The following MPI variants were observed in gnomAD, a reference collection of about 807,000 sequenced individuals.
MPI encodes mannose-6-phosphate isomerase.
MPI carries 33 observed loss-of-function variants against 40.1 expected under a neutral mutation model. That is an observed-to-expected ratio of 0.82 (90% confidence interval 0.62 to 1.10). The LOEUF (loss-of-function observed/expected upper bound fraction) is 1.10, where lower values mean the gene tolerates loss of function less well. MPI is among the 50% of genes least tolerant of loss of function. MPI has a pLI of 0.00. For missense variants in MPI, 514 were observed against 524.1 expected (o/e 0.98, Z 0.19); for synonymous variants, 187 against 207.4 (o/e 0.90, Z 0.85).
At chr15:74,894,035 GTTCAGTGTGTGT>G (rs2064766774) in intron 5 of MPI, among the ~76,000 whole-genome samples, 1 of 90,948 alleles carries the variant, frequency 1.1e-5, no homozygotes, top group South Asian at 3.0e-4. Context: ...ATTTTTTTCT[GTTCAGTGTGTGT>G]GTGTGTGTGT....
intron 1 of MPI, 77 bp from the exon 2 acceptor site, chr15:74,890,450 G>A (rs943659749): frequency 1.9e-6 from 3 of 1,601,412 alleles, no homozygotes; most frequent in African/African-American, 2.7e-5. Flanking sequence ...AGCACCCCCA[G>A]CTCTTGCCTG....
chr15:74,896,064 C>T (rs1272184777), intron 5 of MPI, 88 bp from the exon 6 acceptor site: 6 of 1,530,428 alleles, frequency 3.9e-6, no homozygotes, highest in Non-Finnish European at 5.4e-6. Flanking sequence ...TGGCAGGGAC[C>T]TTTTCCTAGG....
At chr15:74,890,973 A>G in intron 2 of MPI, 2 of 569,752 alleles carry the variant, frequency 3.5e-6, no homozygotes, top group South Asian at 3.1e-5. Context: ...TCTCCTGCCT[A>G]TTTAGTGGAG....
rs1375281228 is a variant in MPI, at chr15:74,901,509, C to T, written c.*3779C>T. 6.6e-6 allele frequency: 1 copy of T among 152,170 alleles called. No individual in the cohort carries two copies. The highest frequency in any genetic ancestry group is 1.5e-5 in the Non-Finnish European group (1 of 68,062). 9.4% of individuals were successfully genotyped at this position (152,170 alleles called of 1,614,324 possible). A position where few individuals can be genotyped will look rare whatever the true frequency, so the allele number is the denominator to read the frequency against. On this transcript the variant is annotated 3_prime_UTR_variant, in exon 8 of 8. Coordinates refer to ENST00000352410, the MANE Select transcript of MPI (RefSeq NM_002435.3). ...CCAATCCTGAGTATCCAGTAAGGCCCATGCTGTGACCAGAAGAATCTGGCA... is the reference window on the plus strand; with the variant it reads ...CCAATCCTGAGTATCCAGTAAGGCCTATGCTGTGACCAGAAGAATCTGGCA...
chr15:74,893,185 C>A lies in MPI; in HGVS notation c.535C>A (p.Leu179Met), dbSNP rs2064751993. ...GATTGGAGATGAGGCAGCAACACAC[C>A]TGAAGCAGACCATGAGCCATGACTC... ...FLIGDEAATHLKQTMSHDSQA... is the reference protein window; with the variant it reads ...FLIGDEAATHMKQTMSHDSQA... Residue 179 changes from leucine to methionine, a missense_variant, in exon 5 of 8, where the codon CTG (leucine) becomes ATG (methionine). Physicochemically the swap from Leu to Met is conservative, Grantham distance 15. Coordinates refer to ENST00000352410, the MANE Select transcript of MPI (RefSeq NM_002435.3). 1 of 1,614,206 alleles carries A rather than the reference C, an allele frequency of 6.2e-7. No individual in the cohort carries two copies. The highest frequency in any genetic ancestry group is 8.5e-7 in the Non-Finnish European group (1 of 1,180,042).
intron 6 of MPI, 32 bp from the exon 7 acceptor site, chr15:74,896,979 A>G: frequency 6.2e-7 from 1 of 1,605,882 alleles, no homozygotes; most frequent in Non-Finnish European, 8.5e-7. Flanking sequence ...GGCATACTTC[A>G]TCAGCTTAGC....
At chr15:74,892,207 T>G (rs1369340279) in intron 3 of MPI, among the ~76,000 whole-genome samples, 2 of 152,320 alleles carry the variant, frequency 1.3e-5, no homozygotes, top group Admixed American at 6.5e-5. Context: ...TTGGCCAGGC[T>G]GGTCTTGAAC....
At position 74,901,818 on chromosome 15, in the gene MPI, G is replaced by C. The variant is rs947461936; in HGVS notation, c.*4088G>C. On this transcript the variant is annotated 3_prime_UTR_variant, in exon 8 of 8. Transcript: ENST00000352410. ...TTCTGGGGCCAGCCCCAGTACCTTC[G>C]ACCTAATCTTTAGCTCAAAGACTGG... The C allele has an allele frequency of 9.6e-6, 3 of 311,524 alleles. No individual in the cohort carries two copies. Among genetic ancestry groups the C allele is most frequent in the Non-Finnish European group, 1.7e-5 (3 of 172,594 alleles). 19.3% of individuals were successfully genotyped at this position (311,524 alleles called of 1,614,324 possible).
At chr15:74,894,108 G>GTGTGTGTGGTGTGTGT in intron 5 of MPI, among the ~76,000 whole-genome samples, 1 of 22,604 alleles carries the variant, frequency 4.4e-5, no homozygotes, top group South Asian at 1.8e-3. Flanking sequence ...GTGTGTGTGT[G>GTGTGTGTGGTGTGTGT]GTCTCTTTCT....
chr15:74,901,849 G>A lies in MPI; in HGVS notation c.*4119G>A. On this transcript the variant is annotated 3_prime_UTR_variant, in exon 8 of 8. Coordinates refer to ENST00000352410, the MANE Select transcript of MPI (RefSeq NM_002435.3). Reference sequence around the variant, plus strand: ...ATCTTTAGCTCAAAGACTGGGTGAAGAAACTCACCCAGACCAAGGAAATAC... The same window carrying A: ...ATCTTTAGCTCAAAGACTGGGTGAAAAAACTCACCCAGACCAAGGAAATAC... 1 of 349,160 alleles carries A rather than the reference G, an allele frequency of 2.9e-6. No homozygotes were observed. The highest frequency in any genetic ancestry group is 4.3e-5 in the East Asian group (1 of 23,402). The allele number at this position is 349,160 out of a possible 1,614,324, so 21.6% of individuals were successfully genotyped here.
chr15:74,893,761 G>C (rs1177266876), intron 5 of MPI: 3 of 367,022 alleles, frequency 8.2e-6, no homozygotes, highest in Non-Finnish European at 1.5e-5. Flanking sequence ...GCCCAACCTT[G>C]TGCTAAGAAG....
intron 5 of MPI, chr15:74,893,762 T>C: frequency 2.7e-6 from 1 of 366,638 alleles, no homozygotes; most frequent in East Asian, 4.8e-5. Flanking sequence ...CCCAACCTTG[T>C]GCTAAGAAGA....
chr15:74,895,252 G>A (rs1419622277), intron 5 of MPI, among the ~76,000 whole-genome samples: 1 of 150,240 alleles, frequency 6.7e-6, no homozygotes, highest in African/African-American at 2.4e-5. Context: ...TGAGATGACA[G>A]GTGTGAGCCA....
chr15:74,895,964 G>A (rs1208648501), intron 5 of MPI, 188 bp from the exon 6 acceptor site: 2 of 630,218 alleles, frequency 3.2e-6, no homozygotes, highest in Non-Finnish European at 5.7e-6. Context: ...GATGGTATTT[G>A]TATGGACTGG....
intron 6 of MPI, chr15:74,896,613 C>T (rs2064822347): frequency 1.6e-6 from 1 of 621,450 alleles, no homozygotes; most frequent in East Asian, 2.7e-5. Context: ...TATATTGGAT[C>T]AAAGCTGTTG....
rs940504807 is a variant in MPI, at chr15:74,901,170, A to G, written c.*3440A>G. 2.0e-5 allele frequency: 3 copies of G among 152,270 alleles called. No homozygotes were observed. Among genetic ancestry groups the G allele is most frequent in the African/African-American group, 7.2e-5 (3 of 41,418 alleles). The allele number at this position is 152,270 out of a possible 1,614,324, so 9.4% of individuals were successfully genotyped here. Reference sequence around the variant, plus strand: ...TGTCTATGCCCATTCAAAGCTCACCATGTGGGAGGACTGCTTGGGCCTGGG... The same window carrying G: ...TGTCTATGCCCATTCAAAGCTCACCGTGTGGGAGGACTGCTTGGGCCTGGG... On this transcript the variant is annotated 3_prime_UTR_variant, in exon 8 of 8. Coordinates refer to ENST00000352410, the MANE Select transcript of MPI (RefSeq NM_002435.3).
rs772501173 is a variant in MPI, at chr15:74,891,450, C to T, written c.216C>T (p.Ser72=). 5.6e-6 allele frequency: 9 copies of T among 1,614,072 alleles called. No individual in the cohort carries two copies. Among genetic ancestry groups the T allele is most frequent in the Non-Finnish European group, 3.4e-6 (4 of 1,180,046 alleles). The change falls in exon 3 of 8, where the codon AGC becomes AGT. Residue 72 remains serine, a synonymous_variant. Transcript: ENST00000352410. ...ACCGCATCTCACAGAAGACCCTAAG[C>T]CAGTGGATTGCTGAGAACCAGGACA... ...LDNRISQKTL[S]QWIAENQDSL... is the part of the protein sequence containing the mutation.
chr15:74,895,647 C>T (rs547680591), intron 5 of MPI: 74 of 159,708 alleles, frequency 4.6e-4, no homozygotes, highest in Non-Finnish European at 8.7e-4. Context: ...AACTCTTTTG[C>T]GTTATCTCCC....
At chr15:74,897,355 C>A in intron 7 of MPI, 136 bp downstream of exon 7, 2 of 1,308,614 alleles carry the variant, frequency 1.5e-6, no homozygotes, top group Non-Finnish European at 2.2e-6. Flanking sequence ...CCTGCCCATT[C>A]CTTCCTGTAC....
Sources: allele counts gnomAD v4.1 joint callset (sites outside exome capture counted in the v4.1 genomes callset), GRCh38; gene constraint gnomAD v4.1.1; transcripts MANE v1.5; gene names NCBI Gene and HGNC (gene_info 2026-07-23, HGNC 2026-07-21).